The following PDE11A variants were observed in gnomAD, a reference collection of about 807,000 sequenced individuals.
PDE11A encodes dual 3',5'-cyclic-AMP and -GMP phosphodiesterase 11A.
PDE11A carries 100 observed loss-of-function variants against 100.5 expected under a neutral mutation model. The observed-to-expected ratio is 1.00, with a 90% CI of 0.85 to 1.18. The LOEUF (loss-of-function observed/expected upper bound fraction) is 1.18. Ranked by LOEUF, PDE11A falls within the 50% of genes most tolerant of loss-of-function variation. The probability of loss-of-function intolerance (pLI) is 0.00; values close to 1 mark genes in which losing one functional copy is unlikely to be tolerated. For missense variants in PDE11A, 1,141 were observed against 1,152.6 expected, an observed-to-expected ratio of 0.99 and a Z score of 0.15; for synonymous variants, 381 against 420.8, an observed-to-expected ratio of 0.91 and a Z score of 1.16.
chr2:177,680,878 C>T lies in PDE11A; in HGVS notation c.2371G>A (p.Val791Ile). 1 of 1,591,340 alleles carries T rather than the reference C, an allele frequency of 6.3e-7. No homozygotes were observed. Among genetic ancestry groups the T allele is most frequent in the South Asian group, 1.1e-5 (1 of 90,226 alleles). The change falls in exon 16 of 20, where the codon GTC becomes ATC. Residue 791 changes from valine (V) to isoleucine (I), a missense_variant. Physicochemically the swap from Val to Ile is conservative, Grantham distance 29. Transcript: ENST00000286063. Reference sequence around the variant, plus strand: ...TTCCAATCGTATTCTCCTTTACTGACAAGTTCAAAGAATTCAGTTCTCCTC... The same window carrying T: ...TTCCAATCGTATTCTCCTTTACTGATAAGTTCAAAGAATTCAGTTCTCCTC... ...FERRTEFFELVSKGEYDWNIK... is the reference protein window; with the variant it reads ...FERRTEFFELISKGEYDWNIK...
At chr2:177,838,389 C>T (rs1357954893) in intron 6 of PDE11A, among the ~76,000 whole-genome samples, 10 of 151,494 alleles carry the variant, frequency 6.6e-5, no homozygotes, top group Non-Finnish European at 1.3e-4. Flanking sequence ...AAGAAAAGAG[C>T]TCTAATTAAT....
intron 4 of PDE11A, among the ~76,000 whole-genome samples, chr2:177,883,533 G>T (rs1305057727): frequency 6.6e-6 from 1 of 152,160 alleles, no homozygotes; most frequent in East Asian, 1.9e-4. Context: ...AATGCTACCA[G>T]TGCACAGAGG....
chr2:177,749,341 T>C (rs1020287965), intron 10 of PDE11A, among the ~76,000 whole-genome samples: 1 of 152,162 alleles, frequency 6.6e-6, no homozygotes, highest in Non-Finnish European at 1.5e-5. Flanking sequence ...CCTCATAAAG[T>C]GCTGGGATTA....
At chr2:177,738,605 G>A (rs574768125) in intron 10 of PDE11A, among the ~76,000 whole-genome samples, 46 of 152,242 alleles carry the variant, frequency 3.0e-4, no homozygotes, top group African/African-American at 9.1e-4. Context: ...TCACATGCTC[G>A]GTTGAATCTT....
chr2:177,881,174 C>T (rs528390846), intron 4 of PDE11A, among the ~76,000 whole-genome samples: 1 of 151,572 alleles, frequency 6.6e-6, no homozygotes, highest in African/African-American at 2.4e-5. Context: ...TCCTCAGACA[C>T]TGGGACTCCT....
chr2:177,718,790 T>C (rs1487869725), intron 12 of PDE11A, among the ~76,000 whole-genome samples: 1 of 152,212 alleles, frequency 6.6e-6, no homozygotes, highest in Non-Finnish European at 1.5e-5. Flanking sequence ...TATACACGTG[T>C]ATGTATATTT....
intron 2 of PDE11A, among the ~76,000 whole-genome samples, chr2:177,905,601 G>A (rs776230335): frequency 3.3e-5 from 5 of 152,190 alleles, no homozygotes; most frequent in Non-Finnish European, 5.9e-5. Context: ...CAATTCTTTC[G>A]TTGGCATATG....
chr2:177,832,554 CATCTATCTATCTATCTATCT>C (rs58916923), intron 6 of PDE11A, among the ~76,000 whole-genome samples: 13 of 146,402 alleles, frequency 8.9e-5, no homozygotes, highest in African/African-American at 2.5e-4. Flanking sequence ...TACTCACATC[CATCTATCTATCTATCTATCT>C]ATCTATCTAT....
At chr2:177,936,154 C>G (rs1009857274) in intron 2 of PDE11A, among the ~76,000 whole-genome samples, 21 of 152,140 alleles carry the variant, frequency 1.4e-4, no homozygotes, top group Admixed American at 2.6e-4. Context: ...AGGAAAGCGC[C>G]TGTTTTACTT....
intron 2 of PDE11A, among the ~76,000 whole-genome samples, chr2:177,930,217 A>T (rs2085187191): frequency 6.6e-6 from 1 of 152,228 alleles, no homozygotes; most frequent in Non-Finnish European, 1.5e-5. Flanking sequence ...GATAAATTTG[A>T]GAAAACAGAT....
At chr2:177,757,304 T>A (rs1001777555) in intron 10 of PDE11A, among the ~76,000 whole-genome samples, 2 of 152,148 alleles carry the variant, frequency 1.3e-5, no homozygotes, top group African/African-American at 4.8e-5. Flanking sequence ...CTCAGCAGCA[T>A]GAACCAAGGT....
At chr2:177,757,309 C>A (rs1034561819) in intron 10 of PDE11A, among the ~76,000 whole-genome samples, 2 of 152,270 alleles carry the variant, frequency 1.3e-5, no homozygotes, top group Non-Finnish European at 2.9e-5. Flanking sequence ...CAGCATGAAC[C>A]AAGGTCTCCA....
intron 9 of PDE11A, among the ~76,000 whole-genome samples, chr2:177,785,458 C>T (rs187771830): frequency 1.3e-4 from 20 of 152,306 alleles, no homozygotes; most frequent in East Asian, 7.7e-4. Context: ...GCATGAGCGA[C>T]GCAGAAGACG....
intron 9 of PDE11A, among the ~76,000 whole-genome samples, chr2:177,789,422 A>G (rs1423018587): frequency 6.6e-6 from 1 of 151,908 alleles, no homozygotes. Flanking sequence ...ACAAACCCAC[A>G]GCCAATATCA....
intron 1 of PDE11A, among the ~76,000 whole-genome samples, chr2:178,044,770 A>G (rs1271997253): frequency 6.6e-6 from 1 of 152,218 alleles, no homozygotes; most frequent in Non-Finnish European, 1.5e-5. Flanking sequence ...CTACACAAGT[A>G]TATCACCACA....
At chr2:177,762,046 A>G (rs1304426355) in intron 10 of PDE11A, among the ~76,000 whole-genome samples, 1 of 152,170 alleles carries the variant, frequency 6.6e-6, no homozygotes, top group Non-Finnish European at 1.5e-5. Context: ...GCAGTGTACA[A>G]TAATGGCCTG....
At chr2:177,883,973 C>T (rs947448035) in intron 4 of PDE11A, among the ~76,000 whole-genome samples, 2 of 152,198 alleles carry the variant, frequency 1.3e-5, no homozygotes, top group Non-Finnish European at 2.9e-5. Flanking sequence ...ACTCCTCTGG[C>T]CCTTAAATCT....
chr2:177,681,403 G>A (rs865958936), intron 15 of PDE11A, among the ~76,000 whole-genome samples: 1 of 152,138 alleles, frequency 6.6e-6, no homozygotes, highest in Non-Finnish European at 1.5e-5. Context: ...GTGCTTAAAC[G>A]CATAGGCTAT....
At chr2:177,912,939 A>G (rs766795700) in intron 2 of PDE11A, among the ~76,000 whole-genome samples, 2 of 152,192 alleles carry the variant, frequency 1.3e-5, no homozygotes, top group Non-Finnish European at 2.9e-5. Flanking sequence ...AGGAAAGTAG[A>G]TTAGTGGTTG....
Sources: gnomAD v4.1 joint callset for allele counts (sites outside exome capture counted in the v4.1 genomes callset) on GRCh38, gnomAD v4.1.1 for gene constraint, MANE v1.5 for transcripts, NCBI Gene and HGNC (gene_info 2026-07-23, HGNC 2026-07-21) for gene names.